The following MLIP variants were observed in gnomAD, a reference collection of about 807,000 sequenced individuals.
MLIP encodes muscular LMNA interacting protein.
MLIP carries 79 observed loss-of-function variants against 84.8 expected under a neutral mutation model. The ratio of observed to expected loss-of-function variants is 0.93; its 90% confidence interval spans 0.78 to 1.12. MLIP has a LOEUF of 1.12. Ranked by LOEUF, MLIP falls within the 50% of genes most tolerant of loss-of-function variation. The pLI, the probability that MLIP is intolerant of heterozygous loss-of-function variation, is 0.00. For missense variants in MLIP, 1,257 were observed against 1,160.6 expected (o/e 1.08, Z -1.21); for synonymous variants, 504 against 463.0 (o/e 1.09, Z -1.14).
At chr6:54,163,616 G>A (rs955281130) in intron 8 of MLIP, among the ~76,000 whole-genome samples, 3 of 151,808 alleles carry the variant, frequency 2.0e-5, no homozygotes, top group African/African-American at 7.3e-5. Context: ...AATTTTGTAA[G>A]TACTATAGCA....
At chr6:54,053,217 T>C (rs1765471539) in intron 1 of MLIP, among the ~76,000 whole-genome samples, 1 of 152,186 alleles carries the variant, frequency 6.6e-6, no homozygotes, top group Non-Finnish European at 1.5e-5. Context: ...TGTTTTGTAC[T>C]GGGTTGAACC....
intron 1 of MLIP, among the ~76,000 whole-genome samples, chr6:54,034,644 C>T (rs1271002365): frequency 6.6e-6 from 1 of 151,470 alleles, no homozygotes; most frequent in Non-Finnish European, 1.5e-5. Context: ...CTGTTTTAAG[C>T]TAAGTATTAT....
intron 4 of MLIP, among the ~76,000 whole-genome samples, chr6:54,147,022 T>A (rs1172908027): frequency 6.6e-6 from 1 of 152,204 alleles, no homozygotes; most frequent in Non-Finnish European, 1.5e-5. Flanking sequence ...GTTGTGACAA[T>A]TGAGTGAGTT....
At chr6:54,224,351 A>T (rs928212038) in intron 11 of MLIP, among the ~76,000 whole-genome samples, 1 of 151,928 alleles carries the variant, frequency 6.6e-6, no homozygotes, top group Non-Finnish European at 1.5e-5. Context: ...GGAAATAAAT[A>T]CTTTATAGCA....
chr6:54,054,530 T>C (rs901646558), intron 1 of MLIP, among the ~76,000 whole-genome samples: 5 of 152,134 alleles, frequency 3.3e-5, no homozygotes, highest in Non-Finnish European at 7.3e-5. Flanking sequence ...AAACATACAT[T>C]TTTGCAATTC....
In MLIP at chr6:54,094,836, T is replaced by C. The variant is rs1032165657; in HGVS notation, c.64-26611T>C. Among the ~76,000 whole-genome samples, 6 of 152,120 alleles carry C rather than the reference T, an allele frequency of 3.9e-5. 1 individual carries two copies. Among genetic ancestry groups the C allele is most frequent in the African/African-American group, 1.4e-4 (6 of 41,430 alleles). ...AATTCACAAATAGGATGTTTCTCCT[T>C]TTAAAGTGGTTTCCCTAGCAACTAA... On this transcript the variant is annotated intron_variant, in intron 1 of 12. Coordinates refer to the MLIP transcript ENST00000274897.
chr6:54,181,070 G>A (rs1161075682), intron 9 of MLIP, among the ~76,000 whole-genome samples: 1 of 152,112 alleles, frequency 6.6e-6, no homozygotes, highest in Non-Finnish European at 1.5e-5. Flanking sequence ...GCCTGGAACT[G>A]GGGGTGAGAT....
chr6:54,078,515 G>T lies in MLIP; in HGVS notation c.64-42932G>T, dbSNP rs1766940961. The stretch of plus-strand genomic sequence containing the variant: ...GAGCAGACTGCTTCAGCCTGAGGCT[G>T]CTGTGAGCCTGTGAGCCATGATTGT... On this transcript the variant is annotated intron_variant, in intron 1 of 12. Transcript: ENST00000274897. Among the ~76,000 whole-genome samples the T allele has an allele frequency of 2.0e-5, 3 of 152,258 alleles. No individual in the cohort carries two copies. The South Asian group carries it at 6.2e-4, about 32-fold the overall frequency.
intron 11 of MLIP, among the ~76,000 whole-genome samples, chr6:54,224,896 A>G (rs1780474009): frequency 1.3e-5 from 2 of 152,154 alleles, no homozygotes; most frequent in Admixed American, 6.6e-5. Flanking sequence ...CATCCAGGTC[A>G]CTGCAAATGC....
In MLIP at chr6:54,160,878, A is replaced by G. The variant is rs148141073; in HGVS notation, c.2499+79A>G. On this transcript the variant is annotated intron_variant, in intron 8 of 13. Transcript: ENST00000502396. ...ATTTCCAAACTGCAAGTCAAGGTCCAATAGTGAATTGAGAAATAAATTTAG... is the reference window on the plus strand; with the variant it reads ...ATTTCCAAACTGCAAGTCAAGGTCCGATAGTGAATTGAGAAATAAATTTAG... The G allele has an allele frequency of 5.7e-5, 67 of 1,166,854 alleles. No individual in the cohort carries two copies. In the African/African-American group the frequency reaches 8.4e-4, roughly 15 times the overall value. The allele number at this position is 1,166,854 out of a possible 1,614,324, so 72.3% of individuals were successfully genotyped here.
At chr6:54,217,739 A>G (rs1562070650) in intron 11 of MLIP, 1 of 985,226 alleles carries the variant, frequency 1.0e-6, no homozygotes, top group Non-Finnish European at 1.2e-6. Flanking sequence ...AAAGCATTTT[A>G]TCAGAAATAA....
chr6:54,090,659 G>C (rs200751200), intron 1 of MLIP, among the ~76,000 whole-genome samples: 2 of 91,818 alleles, frequency 2.2e-5, no homozygotes, highest in African/African-American at 3.2e-5. Flanking sequence ...GTGTGTGTGT[G>C]TATGTGTGTG....
At chr6:54,031,005 T>A (rs1376138655) in intron 1 of MLIP, among the ~76,000 whole-genome samples, 1 of 152,214 alleles carries the variant, frequency 6.6e-6, no homozygotes, top group African/African-American at 2.4e-5. Context: ...ATTTTCCTTT[T>A]TTCCACAAAA....
At chr6:54,113,400 C>T (rs892342273) in intron 1 of MLIP, among the ~76,000 whole-genome samples, 5 of 152,080 alleles carry the variant, frequency 3.3e-5, no homozygotes, top group Non-Finnish European at 7.4e-5. Context: ...GAAGATAATA[C>T]ATCTAGAAGG....
At chr6:54,098,723 G>C (rs1386509954) in intron 1 of MLIP, among the ~76,000 whole-genome samples, 1 of 152,118 alleles carries the variant, frequency 6.6e-6, no homozygotes, top group African/African-American at 2.4e-5. Context: ...TTTAAAACTT[G>C]TAATGGCAAT....
intron 13 of MLIP, among the ~76,000 whole-genome samples, chr6:54,260,132 A>G (rs1246286485): frequency 6.6e-6 from 1 of 151,922 alleles, no homozygotes; most frequent in Non-Finnish European, 1.5e-5. Context: ...TCTTGAATCA[A>G]ATCAGGCTAT....
intron 1 of MLIP, among the ~76,000 whole-genome samples, chr6:54,114,161 A>G (rs1354449539): frequency 6.6e-6 from 1 of 152,140 alleles, no homozygotes; most frequent in Non-Finnish European, 1.5e-5. Flanking sequence ...GGATCACTCA[A>G]TGTTAGAGTC....
At chr6:54,108,475 A>G (rs1393406746), upstream of MLIP, among the ~76,000 whole-genome samples, 3 of 152,226 alleles carry the variant, frequency 2.0e-5, no homozygotes, top group Non-Finnish European at 4.4e-5. Flanking sequence ...ATTATCCAAA[A>G]TACATGTGCT....
At chr6:54,147,699 T>C (rs1300494512) in intron 4 of MLIP, among the ~76,000 whole-genome samples, 3 of 152,056 alleles carry the variant, frequency 2.0e-5, no homozygotes, top group African/African-American at 7.2e-5. Flanking sequence ...TTCTGAATGA[T>C]TGTGTGTGTG....
Sources: gnomAD v4.1 joint callset for allele counts (sites outside exome capture counted in the v4.1 genomes callset) on GRCh38, gnomAD v4.1.1 for gene constraint, MANE v1.5 for transcripts, NCBI Gene and HGNC (gene_info 2026-07-23, HGNC 2026-07-21) for gene names.